Variants in LOXHD1 observed in about 807,000 individuals in gnomAD.
LOXHD1 encodes the protein lipoxygenase homology domain-containing protein 1.
Under a neutral mutation model 248.2 loss-of-function variants are expected in LOXHD1, and 205 were observed. That is an observed-to-expected ratio of 0.83 (90% CI 0.74 to 0.93). LOXHD1 has a LOEUF of 0.93. LOXHD1 is among the 40% of genes least tolerant of loss of function. LOXHD1 has a pLI of 0.00. For synonymous variants in LOXHD1, 1,113 were observed against 1,162.8 expected (o/e 0.96, Z 0.87); for missense variants, 2,930 against 2,971.6 (o/e 0.99, Z 0.33).
intron 20 of LOXHD1, chr18:46,559,138 G>A (rs1053962766): frequency 1.8e-5 from 24 of 1,365,880 alleles, no homozygotes; most frequent in African/African-American, 8.7e-5. Context: ...ATCTTGCGGC[G>A]AGGACTTCCT....
intron 17 of LOXHD1, 36 bp from the exon 18 acceptor site, chr18:46,563,261 G>A: frequency 3.4e-6 from 5 of 1,457,768 alleles, no homozygotes; most frequent in Non-Finnish European, 4.6e-6. Context: ...GGAACATTTA[G>A]TAATAATAAC....
At position 46,524,688 on chromosome 18, in the gene LOXHD1, C is replaced by T. The variant is rs2144166783; in HGVS notation, c.4740+20G>A. The T allele has an allele frequency of 6.4e-7, 1 of 1,551,690 alleles. No individual in the cohort carries two copies. Among genetic ancestry groups the T allele is most frequent in the Admixed American group, 2.0e-5 (1 of 51,014 alleles). On this transcript the variant is annotated intron_variant, in intron 30 of 40. Coordinates refer to ENST00000642948, the MANE Select transcript of LOXHD1 (RefSeq NM_001384474.1). ...CTAGGCATGAGGATGGCCACAGGCC[C>T]TATATACCCCTTGGCTCACCTTCTC...
At chr18:46,546,864 G>A (rs1458573910) in intron 22 of LOXHD1, 31 bp downstream of exon 22, 2 of 1,538,532 alleles carry the variant, frequency 1.3e-6, no homozygotes, top group African/African-American at 1.4e-5. Flanking sequence ...GAGGGGTGCT[G>A]GAGAAAGAAA....
At chr18:46,575,773 G>C (rs2037842016) in intron 14 of LOXHD1, among the ~76,000 whole-genome samples, 1 of 152,092 alleles carries the variant, frequency 6.6e-6, no homozygotes, top group African/African-American at 2.4e-5. Flanking sequence ...TGTGCACTTT[G>C]TTACAGCCCT....
At chr18:46,610,707 A>C (rs2038494185) in intron 6 of LOXHD1, 69 bp downstream of exon 6, 3 of 1,470,046 alleles carry the variant, frequency 2.0e-6, no homozygotes, top group Admixed American at 2.6e-5. Flanking sequence ...ACTGAGATAC[A>C]ACCCTCTGAA....
intron 12 of LOXHD1, 65 bp from the exon 13 acceptor site, chr18:46,579,849 C>T: frequency 6.7e-7 from 1 of 1,501,038 alleles, no homozygotes; most frequent in Non-Finnish European, 9.0e-7. Flanking sequence ...AGCCCTGCTG[C>T]TCCCACTTCT....
At chr18:46,611,460 A>G (rs2038507330) in intron 5 of LOXHD1, among the ~76,000 whole-genome samples, 1 of 152,204 alleles carries the variant, frequency 6.6e-6, no homozygotes, top group Non-Finnish European at 1.5e-5. Context: ...GAAGAAACAG[A>G]GACTTAGAGA....
At chr18:46,509,124 AAG>A (rs2034782887) in intron 35 of LOXHD1, among the ~76,000 whole-genome samples, 1 of 152,138 alleles carries the variant, frequency 6.6e-6, no homozygotes, top group Non-Finnish European at 1.5e-5. Flanking sequence ...AGGCAGAACT[AAG>A]AAATCCCACG....
rs1365069476 is a variant in LOXHD1 at position 46,524,508 on chromosome 18, T to A, written c.4834A>T (p.Thr1612Ser). ...TAGTCAGCCATGGGCCCGGTCACTG[T>A]GCTGATGTCGACATCGGCCATCTTG... Reference protein sequence around the residue: ...SSKMADVDISTVTGPMADYVQ... With the variant: ...SSKMADVDISSVTGPMADYVQ... The change falls in exon 31 of 41, where the codon ACA becomes TCA. Residue 1612 changes from threonine (T) to serine (S), a missense_variant. By Grantham distance (58) the Thr-to-Ser change is moderately conservative. Coordinates refer to ENST00000642948, the MANE Select transcript of LOXHD1 (RefSeq NM_001384474.1). 6.4e-7 allele frequency: 1 copy of A among 1,551,646 alleles called. No homozygotes were observed. Among genetic ancestry groups the A allele is most frequent in the South Asian group, 1.2e-5 (1 of 84,070 alleles).
chr18:46,626,257 A>G (rs566965560), intron 4 of LOXHD1, among the ~76,000 whole-genome samples: 122 of 152,360 alleles, frequency 8.0e-4, no homozygotes, highest in African/African-American at 2.7e-3. Context: ...GCCACTTAAA[A>G]TAACAGAAGA....
chr18:46,539,813 G>T (rs1284423126), intron 25 of LOXHD1, among the ~76,000 whole-genome samples: 1 of 152,090 alleles, frequency 6.6e-6, no homozygotes. Flanking sequence ...AAAAAAAGAA[G>T]AATATTGAAA....
chr18:46,576,676 T>A (rs1359071719), intron 14 of LOXHD1, among the ~76,000 whole-genome samples: 2 of 152,224 alleles, frequency 1.3e-5, no homozygotes, highest in Non-Finnish European at 2.9e-5. Context: ...CAGTGCTATA[T>A]GTAGAAGACT....
Position 46,557,274 on chromosome 18 carries a change from G to C in LOXHD1, c.3350+82C>G, listed in dbSNP as rs1324634189. ...CACCGTCACAGCCGGCCCACCCCCA[G>C]TCTTCTTCCAGGACTACCTCTGTGG... On this transcript the variant is annotated intron_variant, in intron 21 of 40. Coordinates refer to ENST00000642948, the MANE Select transcript of LOXHD1 (RefSeq NM_001384474.1). 3.0e-6 allele frequency: 4 copies of C among 1,327,836 alleles called. No homozygotes were observed. In the Admixed American group the frequency reaches 6.4e-5, roughly 21 times the overall value. 82.3% of individuals were successfully genotyped at this position (1,327,836 alleles called of 1,614,324 possible). A position where few individuals can be genotyped will look rare whatever the true frequency, so the allele number is the denominator to read the frequency against.
At chr18:46,566,076 C>A (rs1470742081) in intron 17 of LOXHD1, among the ~76,000 whole-genome samples, 181 bp downstream of exon 17, 4 of 152,166 alleles carry the variant, frequency 2.6e-5, no homozygotes, top group Non-Finnish European at 1.5e-5. Context: ...ATAAAATGAG[C>A]CCTACTTTCC....
At position 46,525,708 on chromosome 18, in the gene LOXHD1, GA is replaced by G. The variant is rs1211620472; in HGVS notation, c.4531-792del. On this transcript the variant is annotated intron_variant, in intron 29 of 40. Transcript: ENST00000642948. Reference sequence around the variant, plus strand: ...TGGGAAGTTAGGATGGGAGCCTGAGGAGGGTGAGAGGGGACAGGTGACACTG... The same window carrying G: ...TGGGAAGTTAGGATGGGAGCCTGAGGGGGTGAGAGGGGACAGGTGACACTG... Among the ~76,000 whole-genome samples, 4 of 152,142 alleles carry G rather than the reference GA, an allele frequency of 2.6e-5. No individual in the cohort carries two copies. In the South Asian group the frequency reaches 6.2e-4, roughly 24 times the overall value.
At chr18:46,653,899 T>C (rs1166108703) in intron 1 of LOXHD1, among the ~76,000 whole-genome samples, 2 of 152,220 alleles carry the variant, frequency 1.3e-5, no homozygotes, top group African/African-American at 4.8e-5. Context: ...TTCTGGGAAT[T>C]TACCTTATAG....
chr18:46,627,416 G>C (rs967290881), intron 4 of LOXHD1, among the ~76,000 whole-genome samples: 1 of 152,134 alleles, frequency 6.6e-6, no homozygotes, highest in Non-Finnish European at 1.5e-5. Context: ...CAATGGAATG[G>C]ACACTGACAG....
chr18:46,483,553 G>A lies in LOXHD1; in HGVS notation c.6341+34C>T, dbSNP rs777653972. On this transcript the variant is annotated intron_variant, in intron 40 of 40. Transcript: ENST00000642948. ...TCAGTCCCTGCCCCATGCTGAGGGA[G>A]TGGCACTTCCTTGGGGAGAGGCTCA... 4 of 1,551,260 alleles carry A rather than the reference G, an allele frequency of 2.6e-6. No individual in the cohort carries two copies. In the South Asian group the frequency reaches 4.8e-5, roughly 18 times the overall value.
At chr18:46,630,440 G>C (rs890137986) in intron 4 of LOXHD1, among the ~76,000 whole-genome samples, 1 of 152,224 alleles carries the variant, frequency 6.6e-6, no homozygotes, top group Non-Finnish European at 1.5e-5. Context: ...TCGTGAGAAG[G>C]CCAGGCAGGA....
Sources: allele counts gnomAD v4.1 joint callset (sites outside exome capture counted in the v4.1 genomes callset), GRCh38; gene constraint gnomAD v4.1.1; transcripts MANE v1.5; gene names NCBI Gene and HGNC (gene_info 2026-07-23, HGNC 2026-07-21).